The following PDRG1 variants were observed in gnomAD, a reference collection of about 807,000 sequenced individuals.
PDRG1 encodes p53 and DNA damage-regulated protein 1.
PDRG1 carries 14 observed loss-of-function variants against 18.4 expected under a neutral mutation model. The observed-to-expected ratio is 0.76, with a 90% confidence interval of 0.50 to 1.19. The LOEUF is 1.19. Among genes scored for constraint, PDRG1 ranks in the 50% most tolerant of loss-of-function variants. PDRG1 has a pLI of 0.00. For missense variants in PDRG1, 177 were observed against 160.1 expected (o/e 1.11, Z -0.57); for synonymous variants, 65 against 60.9 (o/e 1.07, Z -0.31).
chr20:31,949,019 G>C, intron 2 of PDRG1, 137 bp from the exon 3 acceptor site: 1 of 707,880 alleles, frequency 1.4e-6, no homozygotes, highest in East Asian at 2.8e-5. Flanking sequence ...TACAGTGGAG[G>C]AGAGAGAATA....
At position 31,945,100 on chromosome 20, in the gene PDRG1, G is replaced by A. The variant is rs536926094; in HGVS notation, c.*707C>T. On this transcript the variant is annotated 3_prime_UTR_variant, in exon 5 of 5. Transcript: ENST00000202017. ...TGGCCGGGCCCCACTTTCAGAGGGG[G>A]CGGAAGGGCATCTTGACACGTGTCA... 6.6e-6 allele frequency: 1 copy of A among 152,412 alleles called. No homozygotes were observed. The highest frequency in any genetic ancestry group is 2.1e-4 in the South Asian group (1 of 4,828). The allele number at this position is 152,412 out of a possible 1,614,324, so 9.4% of individuals were successfully genotyped here.
In PDRG1 at chr20:31,951,951, G is replaced by C; in HGVS notation, c.11C>G (p.Pro4Arg). 6 of 1,574,896 alleles carry C rather than the reference G, an allele frequency of 3.8e-6. No homozygotes were observed. Among genetic ancestry groups the C allele is most frequent in the East Asian group, 2.4e-5 (1 of 41,316 alleles). ...GTACCGCAGCACTCGCTCTGCCTCG[G>C]GTGATAGCATAGCGCCCACCAACTC... The part of the protein sequence containing the change: MLS[P>R]EAERVLRYLV... The change falls in exon 1 of 5, where the codon CCC becomes CGC. Residue 4 changes from proline to arginine, a missense_variant. Physicochemically the swap from Pro to Arg is moderately radical, Grantham distance 103. Transcript: ENST00000202017.
rs1425291518 is a variant in PDRG1 at position 31,945,879 on chromosome 20, C to T, written c.330G>A (p.Glu110=). Residue 110 remains glutamate (E), a synonymous_variant, in exon 5 of 5, where the codon GAG becomes GAA. Coordinates refer to ENST00000202017, the MANE Select transcript of PDRG1 (RefSeq NM_030815.3). ...GGGGGTTCAAGTTAAAACCCTTCAG[C>T]TCCGGTTTGCCTAGGAGAGAAGATG... ...NRLFEAQGKP[E]LKGFNLNPLN... is the part of the protein sequence containing the mutation. The T allele has an allele frequency of 6.2e-7, 1 of 1,613,534 alleles. No individual in the cohort carries two copies. The highest frequency in any genetic ancestry group is 2.2e-5 in the East Asian group (1 of 44,874).
intron 4 of PDRG1, 139 bp from the exon 5 acceptor site, chr20:31,946,028 T>A: frequency 3.1e-6 from 2 of 646,864 alleles, no homozygotes; most frequent in South Asian, 3.8e-5. Flanking sequence ...AATTCTGCAA[T>A]GCACCAGATG....
intron 1 of PDRG1, 21 bp downstream of exon 1, chr20:31,951,854 C>T: frequency 6.4e-7 from 1 of 1,551,764 alleles, no homozygotes; most frequent in Non-Finnish European, 8.7e-7. Flanking sequence ...CAGGCCCCAG[C>T]GCCGCGGAGG....
chr20:31,951,924 A>G lies in PDRG1; in HGVS notation c.38T>C (p.Leu13Pro). The G allele has an allele frequency of 2.5e-6, 4 of 1,594,364 alleles. No homozygotes were observed. Among genetic ancestry groups the G allele is most frequent in the East Asian group, 2.3e-5 (1 of 43,050 alleles). Residue 13 changes from leucine to proline, a missense_variant, in exon 1 of 5, where the codon CTT (leucine) becomes CCT (proline). Transcript: ENST00000202017. ...CTCGGCGAGCTCCTCCACTTCTACA[A>G]GGTACCGCAGCACTCGCTCTGCCTC... is the stretch of plus-strand genomic sequence containing the variant. ...SPEAERVLRY[L>P]VEVEELAEEV...
At position 31,950,397 on chromosome 20, in the gene PDRG1, A is replaced by G; in HGVS notation, c.88-10T>C. The G allele has an allele frequency of 1.2e-6, 2 of 1,604,302 alleles. No homozygotes were observed. Among genetic ancestry groups the G allele is most frequent in the Non-Finnish European group, 1.7e-6 (2 of 1,171,084 alleles). On this transcript the variant is annotated splice_polypyrimidine_tract_variant and intron_variant, in intron 1 of 4. Transcript: ENST00000202017. ...TGTCCAGGTCCACAATCTGAAAACC[A>G]CAGGGACAGGAGGGAACTCAGCTAT...
Position 31,945,555 on chromosome 20 carries a change from T to TGCA in PDRG1, c.*251_*252insTGC. On this transcript the variant is annotated 3_prime_UTR_variant, in exon 5 of 5. Coordinates refer to ENST00000202017, the MANE Select transcript of PDRG1 (RefSeq NM_030815.3). ...AGCCACTGCCCCACACACCCACTGG[T>TGCA]GGCTACCAAGGCCCGTCAATAGATC... The TGCA allele has an allele frequency of 2.4e-6, 1 of 412,164 alleles. No individual in the cohort carries two copies. 25.5% of individuals were successfully genotyped at this position (412,164 alleles called of 1,614,324 possible).
chr20:31,946,667 G>T (rs2064321290), intron 3 of PDRG1, 91 bp from the exon 4 acceptor site: 2 of 1,157,066 alleles, frequency 1.7e-6, no homozygotes, highest in Admixed American at 3.6e-5. Context: ...CCCAGCAAGG[G>T]CGTGTAGCTT....
At chr20:31,949,057 T>A (rs1193835940) in intron 2 of PDRG1, among the ~76,000 whole-genome samples, 175 bp from the exon 3 acceptor site, 1 of 151,384 alleles carries the variant, frequency 6.6e-6, no homozygotes, top group African/African-American at 2.4e-5. Flanking sequence ...ACCTTAAGAG[T>A]TGTAGAGAAA....
chr20:31,947,490 A>G (rs1421817946), intron 3 of PDRG1, among the ~76,000 whole-genome samples: 1 of 152,244 alleles, frequency 6.6e-6, no homozygotes, highest in African/African-American at 2.4e-5. Context: ...CTTAGCCTCC[A>G]GCCCACCACC....
chr20:31,945,523 C>T lies in PDRG1; in HGVS notation c.*284G>A. 1 of 326,424 alleles carries T rather than the reference C, an allele frequency of 3.1e-6. No individual in the cohort carries two copies. The highest frequency in any genetic ancestry group is 5.7e-6 in the Non-Finnish European group (1 of 175,536). 20.2% of individuals were successfully genotyped at this position (326,424 alleles called of 1,614,324 possible). ...AGTGCCTGTTGCAGTCATTCTTACA[C>T]CCCCACAGCCACTGCCCCACACACC... On this transcript the variant is annotated 3_prime_UTR_variant, in exon 5 of 5. Coordinates refer to ENST00000202017, the MANE Select transcript of PDRG1 (RefSeq NM_030815.3).
intron 3 of PDRG1, among the ~76,000 whole-genome samples, chr20:31,948,377 C>G (rs1321040662): frequency 3.3e-5 from 5 of 152,218 alleles, no homozygotes; most frequent in Non-Finnish European, 7.3e-5. Flanking sequence ...GACATGAGGC[C>G]TGCAACGATG....
intron 3 of PDRG1, 25 bp from the exon 4 acceptor site, chr20:31,946,601 G>A (rs758540239): frequency 7.6e-6 from 12 of 1,576,850 alleles, no homozygotes; most frequent in East Asian, 2.2e-5. Flanking sequence ...GGGGCAAGCA[G>A]AGGATAAGAT....
At chr20:31,951,634 G>C (rs1042666970) in intron 1 of PDRG1, among the ~76,000 whole-genome samples, 8 of 152,202 alleles carry the variant, frequency 5.3e-5, no homozygotes, top group Non-Finnish European at 8.8e-5. Flanking sequence ...GGTGCTCAGG[G>C]AAACGGCCCA....
rs2064298129 is a variant in PDRG1 at position 31,944,917 on chromosome 20, T to C, written c.*890A>G. The stretch of plus-strand genomic sequence containing the variant: ...TATTCTAAATGGAGTGGCGTGCCCT[T>C]ACTGAAGGACTAGATGAGGCAAATA... On this transcript the variant is annotated 3_prime_UTR_variant, in exon 5 of 5. Transcript: ENST00000202017. 6.6e-6 allele frequency: 1 copy of C among 152,238 alleles called. No homozygotes were observed. Among genetic ancestry groups the C allele is most frequent in the Non-Finnish European group, 1.5e-5 (1 of 68,046 alleles). 9.4% of individuals were successfully genotyped at this position (152,238 alleles called of 1,614,324 possible).
rs553443572 is a variant in PDRG1 at position 31,948,300 on chromosome 20, C to T, written c.238+508G>A. On this transcript the variant is annotated intron_variant, in intron 3 of 4. Coordinates refer to ENST00000202017, the MANE Select transcript of PDRG1 (RefSeq NM_030815.3). ...GGAAGTCCCTGAGGAGATGGCCTTA[C>T]TTCCAAAATAGAAGGCAAAGCTCTA... Among the ~76,000 whole-genome samples the T allele has an allele frequency of 2.0e-5, 3 of 152,334 alleles. No homozygotes were observed. The South Asian group carries it at 6.2e-4, about 32-fold the overall frequency.
rs570716337 is a variant in PDRG1, at chr20:31,946,679, C to T, written c.239-103G>A. On this transcript the variant is annotated intron_variant, in intron 3 of 4. Transcript: ENST00000202017. ...CTCCCCAGCAAGGGCGTGTAGCTTT[C>T]AGGAAGGAAAAGGGGACATCAGAGG... The T allele has an allele frequency of 1.0e-5, 11 of 1,069,158 alleles. No homozygotes were observed. The African/African-American group carries it at 1.4e-4, about 14-fold the overall frequency. 66.2% of individuals were successfully genotyped at this position (1,069,158 alleles called of 1,614,324 possible).
intron 3 of PDRG1, among the ~76,000 whole-genome samples, chr20:31,947,395 C>A (rs557327308): frequency 6.3e-4 from 96 of 152,328 alleles, no homozygotes; most frequent in African/African-American, 2.2e-3. Context: ...TGTCTCAGAA[C>A]CCCTCTAGGT....
Sources: gnomAD v4.1 joint callset for allele counts (sites outside exome capture counted in the v4.1 genomes callset) on GRCh38, gnomAD v4.1.1 for gene constraint, MANE v1.5 for transcripts, NCBI Gene and HGNC (gene_info 2026-07-23, HGNC 2026-07-21) for gene names.